Variants in ADAM32 observed in about 807,000 individuals in gnomAD.
ADAM32 encodes ADAM metallopeptidase domain 32.
Under a neutral mutation model 114.9 loss-of-function variants are expected in ADAM32, and 89 were observed. That is an observed-to-expected ratio of 0.77 (90% CI 0.65 to 0.92). The LOEUF is 0.92. Ranked by LOEUF, ADAM32 falls within the 40% of genes least tolerant of loss-of-function variation. ADAM32 has a pLI of 0.00. For missense variants in ADAM32, 870 were observed against 932.8 expected (o/e 0.93, Z 0.88); for synonymous variants, 285 against 307.5 (o/e 0.93, Z 0.77).
chr8:39,194,907 G>A (rs993840159), intron 11 of ADAM32, among the ~76,000 whole-genome samples: 1 of 152,192 alleles, frequency 6.6e-6, no homozygotes, highest in African/African-American at 2.4e-5. Context: ...TTGGAGTTCT[G>A]CCTCTGCCAC....
intron 10 of ADAM32, among the ~76,000 whole-genome samples, chr8:39,184,940 C>T (rs1294893183): frequency 6.6e-6 from 1 of 152,158 alleles, no homozygotes; most frequent in African/African-American, 2.4e-5. Flanking sequence ...TTAAGCTGTG[C>T]CGCATGGCCT....
rs187940221 is a variant in ADAM32, at chr8:39,117,713, A to G, written c.59-373A>G. 2.9e-3 allele frequency among the ~76,000 whole-genome samples: 435 copies of G among 152,096 alleles called. 5 individuals are homozygous for G. The highest frequency in any genetic ancestry group is 1.0e-2 in the African/African-American group (415 of 41,508). On this transcript the variant is annotated intron_variant, in intron 1 of 24. Transcript: ENST00000379907. ...TTTATCTTGGAAACCCAACAATTTC[A>G]GTAGAATATGTTTTAGTTTAAAGTA... is the stretch of plus-strand genomic sequence containing the variant.
intron 2 of ADAM32, among the ~76,000 whole-genome samples, chr8:39,128,082 T>A (rs1802220624): frequency 6.6e-6 from 1 of 152,150 alleles, no homozygotes; most frequent in Non-Finnish European, 1.5e-5. Context: ...TTTGTTAATT[T>A]TCTGTTTCGA....
chr8:39,197,966 CTAA>C (rs1807122475), intron 11 of ADAM32, among the ~76,000 whole-genome samples: 1 of 152,052 alleles, frequency 6.6e-6, no homozygotes, highest in Non-Finnish European at 1.5e-5. Flanking sequence ...CTGTTTACTT[CTAA>C]TAATATTTGT....
chr8:39,108,702 C>A (rs1190467685), intron 1 of ADAM32, among the ~76,000 whole-genome samples: 1 of 152,118 alleles, frequency 6.6e-6, no homozygotes, highest in African/African-American at 2.4e-5. Flanking sequence ...ATGTAAGCCT[C>A]CCTGGTGATA....
At chr8:39,202,860 T>A (rs1406907782) in intron 11 of ADAM32, among the ~76,000 whole-genome samples, 1 of 152,218 alleles carries the variant, frequency 6.6e-6, no homozygotes, top group African/African-American at 2.4e-5. Flanking sequence ...TCAAAGAACA[T>A]CTTTATTTCT....
chr8:39,221,126 C>T (rs748065463), intron 12 of ADAM32: 1 of 152,364 alleles, frequency 6.6e-6, no homozygotes, highest in African/African-American at 2.4e-5. Context: ...ATTATATTCT[C>T]TTGCTAAATG....
chr8:39,129,979 A>C, intron 2 of ADAM32: 1 of 343,536 alleles, frequency 2.9e-6, no homozygotes, highest in Non-Finnish European at 5.7e-6. Flanking sequence ...TTTCAAGACA[A>C]TGTCTCACTC....
intron 17 of ADAM32, among the ~76,000 whole-genome samples, chr8:39,250,771 ACTT>A (rs775163993): frequency 2.0e-5 from 3 of 151,854 alleles, no homozygotes; most frequent in East Asian, 1.9e-4. Context: ...ACTTGGTCTT[ACTT>A]CTTCTTTCAA....
At chr8:39,244,600 A>C (rs1810774935) in intron 16 of ADAM32, among the ~76,000 whole-genome samples, 1 of 152,246 alleles carries the variant, frequency 6.6e-6, no homozygotes, top group East Asian at 1.9e-4. Flanking sequence ...AGCCACATGT[A>C]GAAAAATGAA....
chr8:39,170,523 G>A (rs1232592389), intron 10 of ADAM32, among the ~76,000 whole-genome samples: 1 of 151,916 alleles, frequency 6.6e-6, no homozygotes, highest in East Asian at 1.9e-4. Flanking sequence ...GCATCTCTTT[G>A]TGCCATTTTC....
rs115267818 is a variant in ADAM32 at position 39,241,530 on chromosome 8, G to A, written c.1819-4553G>A. Among the ~76,000 whole-genome samples, 475 of 152,304 alleles carry A rather than the reference G, an allele frequency of 3.1e-3. 3 individuals carry two copies. The highest frequency in any genetic ancestry group is 0.011 in the African/African-American group (458 of 41,562). ...ATCTAGGCAGAGGTTCCCAAATCTTGACTCTTGGCTTCTGTGCATCCACAG... is the reference window on the plus strand; with the variant it reads ...ATCTAGGCAGAGGTTCCCAAATCTTAACTCTTGGCTTCTGTGCATCCACAG... On this transcript the variant is annotated intron_variant, in intron 16 of 24. Transcript: ENST00000379907.
intron 11 of ADAM32, among the ~76,000 whole-genome samples, chr8:39,200,075 T>A (rs1398652439): frequency 6.6e-6 from 1 of 152,238 alleles, no homozygotes; most frequent in African/African-American, 2.4e-5. Flanking sequence ...AGTGCTGCAA[T>A]AAACATATGT....
chr8:39,144,540 AG>A (rs1803379881), intron 3 of ADAM32, among the ~76,000 whole-genome samples: 1 of 152,218 alleles, frequency 6.6e-6, no homozygotes, highest in African/African-American at 2.4e-5. Flanking sequence ...GATATCCCAC[AG>A]GGGGAAATAT....
At chr8:39,152,693 C>A (rs866424619) in intron 6 of ADAM32, among the ~76,000 whole-genome samples, 5 of 148,202 alleles carry the variant, frequency 3.4e-5, no homozygotes, top group Admixed American at 6.7e-5. Context: ...TGCACTCCAG[C>A]CTGGGTGACA....
intron 11 of ADAM32, among the ~76,000 whole-genome samples, chr8:39,197,298 T>C (rs1807074684): frequency 1.3e-5 from 2 of 152,046 alleles, no homozygotes; most frequent in African/African-American, 4.8e-5. Context: ...TTTGCTTCTT[T>C]AGTTCTTTTT....
rs1049607636 is a variant in ADAM32, at chr8:39,148,201, C to T, written c.276+996C>T. Among the ~76,000 whole-genome samples, 147 of 152,210 alleles carry T rather than the reference C, an allele frequency of 9.7e-4. 7 individuals carry two copies. The highest frequency in any genetic ancestry group is 2.9e-5 in the Non-Finnish European group (2 of 68,028). On this transcript the variant is annotated intron_variant, in intron 4 of 24. Coordinates refer to ENST00000379907, the MANE Select transcript of ADAM32 (RefSeq NM_145004.7). Reference sequence around the variant, plus strand: ...CCACTTACAGAGTGAAAGCCAGAGTCACCTGGTTCCCTTTTACCTCTCTGA... The same window carrying T: ...CCACTTACAGAGTGAAAGCCAGAGTTACCTGGTTCCCTTTTACCTCTCTGA...
At chr8:39,216,878 TA>T (rs1375736040) in intron 12 of ADAM32, among the ~76,000 whole-genome samples, 1 of 44,598 alleles carries the variant, frequency 2.2e-5, no homozygotes, top group Non-Finnish European at 5.5e-5. Flanking sequence ...AGAGTAGTTT[TA>T]TGCACCCCAG....
chr8:39,283,702 C>G, intron 24 of ADAM32, 78 bp downstream of exon 24: 1 of 1,188,354 alleles, frequency 8.4e-7, no homozygotes, highest in Non-Finnish European at 1.2e-6. Context: ...ACTATTAATT[C>G]CTAAGTATGG....
Sources: gnomAD v4.1 joint callset for allele counts (sites outside exome capture counted in the v4.1 genomes callset) on GRCh38, gnomAD v4.1.1 for gene constraint, MANE v1.5 for transcripts, NCBI Gene and HGNC (gene_info 2026-07-23, HGNC 2026-07-21) for gene names.